The following PTPRG variants were observed in gnomAD, a reference collection of about 807,000 sequenced individuals.
PTPRG encodes protein tyrosine phosphatase receptor type G, also known as receptor-type tyrosine-protein phosphatase gamma.
In PTPRG, 102 loss-of-function variants were observed where a neutral mutation model predicts 165.3. The observed-to-expected ratio is 0.62, with a 90% CI of 0.53 to 0.73. The LOEUF is 0.73. PTPRG is among the 30% of genes least tolerant of loss of function. PTPRG has a pLI of 0.00. For missense variants in PTPRG, 1,866 were observed against 1,861.4 expected, an observed-to-expected ratio of 1.00 and a Z score of -0.05; for synonymous variants, 675 against 669.5, an observed-to-expected ratio of 1.01 and a Z score of -0.13.
chr3:61,663,320 G>A (rs894855516), intron 1 of PTPRG, among the ~76,000 whole-genome samples: 4 of 152,198 alleles, frequency 2.6e-5, no homozygotes, highest in Admixed American at 6.5e-5. Context: ...GTCACAGAAC[G>A]TGGAAGGTTC....
In PTPRG at chr3:62,224,832, G is replaced by A. The variant is rs1559675908; in HGVS notation, c.2288+5849G>A. ...TTTTTAGCTGAGCTGTTTCAGGTAG[G>A]ACACTATAGTTCTCCCTTGAATGTC... is the stretch of plus-strand genomic sequence containing the variant. On this transcript the variant is annotated intron_variant, in intron 13 of 29. Coordinates refer to ENST00000474889, the MANE Select transcript of PTPRG (RefSeq NM_002841.4). The surrounding 1 kb of genome is among the most constrained non-coding windows in gnomAD (Gnocchi z 4.9). Among the ~76,000 whole-genome samples, 1 of 152,166 alleles carries A rather than the reference G, an allele frequency of 6.6e-6. No individual in the cohort carries two copies. Among genetic ancestry groups the A allele is most frequent in the Non-Finnish European group, 1.5e-5 (1 of 68,036 alleles).
chr3:61,874,230 G>T (rs1475946283), intron 2 of PTPRG, among the ~76,000 whole-genome samples: 2 of 152,014 alleles, frequency 1.3e-5, no homozygotes, highest in Non-Finnish European at 2.9e-5. Context: ...TTTCTCTTTT[G>T]TACCTTGAGA....
chr3:62,029,437 C>T (rs1238031207), intron 4 of PTPRG, among the ~76,000 whole-genome samples: 1 of 152,226 alleles, frequency 6.6e-6, no homozygotes, highest in Non-Finnish European at 1.5e-5. Flanking sequence ...TTACAATTCA[C>T]ATTCCTAGCG....
chr3:61,603,753 G>A (rs550090140), intron 1 of PTPRG, among the ~76,000 whole-genome samples: 8 of 152,224 alleles, frequency 5.3e-5, no homozygotes, highest in Non-Finnish European at 1.0e-4. Flanking sequence ...GCAATCCTTG[G>A]CATTCCTTGC....
At chr3:61,696,878 G>A (rs2030632547) in intron 1 of PTPRG, among the ~76,000 whole-genome samples, 1 of 152,174 alleles carries the variant, frequency 6.6e-6, no homozygotes, top group Non-Finnish European at 1.5e-5. Context: ...CTTCTCCACT[G>A]ATAACGGTCT....
intron 2 of PTPRG, among the ~76,000 whole-genome samples, chr3:61,791,469 G>A (rs1575666247): frequency 6.6e-6 from 1 of 152,138 alleles, no homozygotes; most frequent in South Asian, 2.1e-4. Context: ...TGTTTCAGAT[G>A]CTGTATTTCT....
At chr3:61,696,313 C>T (rs1039261140) in intron 1 of PTPRG, among the ~76,000 whole-genome samples, 11 of 152,132 alleles carry the variant, frequency 7.2e-5, no homozygotes, top group Non-Finnish European at 1.0e-4. Flanking sequence ...ACCGGTCTGA[C>T]CAACATGGGG....
At chr3:62,169,102 G>A (rs936895399) in intron 8 of PTPRG, among the ~76,000 whole-genome samples, 1 of 152,092 alleles carries the variant, frequency 6.6e-6, no homozygotes, top group African/African-American at 2.4e-5. Flanking sequence ...GGGGTCTGGG[G>A]TTTATATGGG....
Position 61,656,778 on chromosome 3 carries a change from T to A in PTPRG, c.86-92100T>A, listed in dbSNP as rs76619251. 3.7e-3 allele frequency among the ~76,000 whole-genome samples: 571 copies of A among 152,302 alleles called. 19 individuals are homozygous for A. In the East Asian group the frequency reaches 0.053, roughly 14 times the overall value. On this transcript the variant is annotated intron_variant, in intron 1 of 29. Coordinates refer to ENST00000474889, the MANE Select transcript of PTPRG (RefSeq NM_002841.4). ...TTGTTCTTTGCTTTCTGGACTCACA[T>A]CCTTTAGTTGTTTTCGATTTGGGGC...
At chr3:61,585,910 TTGGGGACCTACTGTG>T (rs1700423647) in intron 1 of PTPRG, among the ~76,000 whole-genome samples, 1 of 152,186 alleles carries the variant, frequency 6.6e-6, no homozygotes, top group Non-Finnish European at 1.5e-5. Flanking sequence ...GTTTCATTTG[TTGGGGACCTACTGTG>T]TGCCAGGTGC....
At chr3:61,912,466 C>G (rs1314828357) in intron 2 of PTPRG, among the ~76,000 whole-genome samples, 1 of 152,002 alleles carries the variant, frequency 6.6e-6, no homozygotes, top group Non-Finnish European at 1.5e-5. Flanking sequence ...AGTCAAACTG[C>G]AAAGCTTCAC....
At chr3:61,691,002 T>G (rs1344991994) in intron 1 of PTPRG, among the ~76,000 whole-genome samples, 1 of 152,196 alleles carries the variant, frequency 6.6e-6, no homozygotes, top group Non-Finnish European at 1.5e-5. Context: ...CACAGAATCC[T>G]TCAATAGAGG....
chr3:62,017,508 C>T (rs1283040410), intron 4 of PTPRG, among the ~76,000 whole-genome samples: 11 of 151,858 alleles, frequency 7.2e-5, no homozygotes, highest in South Asian at 2.1e-4. Flanking sequence ...CTCCGCCTCC[C>T]GGGTTCACGC....
At chr3:62,175,287 C>G (rs1311864707) in intron 8 of PTPRG, among the ~76,000 whole-genome samples, 1 of 152,110 alleles carries the variant, frequency 6.6e-6, no homozygotes, top group Non-Finnish European at 1.5e-5. Flanking sequence ...CTTATTGACT[C>G]TAGGAGTGGT....
At chr3:62,181,596 G>A (rs959722240) in intron 8 of PTPRG, among the ~76,000 whole-genome samples, 10 of 152,094 alleles carry the variant, frequency 6.6e-5, no homozygotes, top group Non-Finnish European at 1.0e-4. Context: ...CTTAAAAAGC[G>A]TGTAATTATA....
At chr3:61,825,799 C>T (rs2036090795) in intron 2 of PTPRG, among the ~76,000 whole-genome samples, 1 of 147,872 alleles carries the variant, frequency 6.8e-6, no homozygotes, top group Non-Finnish European at 1.5e-5. Context: ...CTGTTCCCTA[C>T]CACATCCAGC....
intron 1 of PTPRG, among the ~76,000 whole-genome samples, chr3:61,619,445 C>A (rs1376292782): frequency 1.3e-5 from 2 of 152,146 alleles, no homozygotes; most frequent in Non-Finnish European, 2.9e-5. Flanking sequence ...GAGGATGGTG[C>A]TACTGGCATT....
chr3:61,583,883 G>T (rs13323186), intron 1 of PTPRG, among the ~76,000 whole-genome samples: 1 of 152,046 alleles, frequency 6.6e-6, no homozygotes, highest in South Asian at 2.1e-4. Context: ...TAATGCCTAC[G>T]TTAACCAAGG....
At chr3:61,712,184 G>A (rs540742738) in intron 1 of PTPRG, among the ~76,000 whole-genome samples, 1 of 152,064 alleles carries the variant, frequency 6.6e-6, no homozygotes, top group East Asian at 1.9e-4. Context: ...GTGAGCCACC[G>A]CGCCCGGCCT....
Sources: allele counts gnomAD v4.1 joint callset (sites outside exome capture counted in the v4.1 genomes callset), GRCh38; gene constraint gnomAD v4.1.1; non-coding constraint Gnocchi (gnomAD v3.1); transcripts MANE v1.5; gene names NCBI Gene and HGNC (gene_info 2026-07-23, HGNC 2026-07-21).